The following ZNRF2 variants were observed in gnomAD, a reference collection of about 807,000 sequenced individuals.
The protein encoded by ZNRF2 is zinc and ring finger 2.
ZNRF2 carries 16 observed loss-of-function variants against 20.4 expected under a neutral mutation model. The ratio of observed to expected loss-of-function variants is 0.79; its 90% CI spans 0.53 to 1.19. ZNRF2 has a LOEUF of 1.19. Among genes scored for constraint, ZNRF2 ranks in the 50% most tolerant of loss-of-function variants. ZNRF2 has a pLI of 0.00. For missense variants in ZNRF2, 363 were observed against 332.4 expected (o/e 1.09, Z -0.72); for synonymous variants, 178 against 144.9 (o/e 1.23, Z -1.64).
intron 3 of ZNRF2, among the ~76,000 whole-genome samples, chr7:30,361,252 C>A (rs369749485): frequency 1.4e-4 from 22 of 152,282 alleles, no homozygotes; most frequent in African/African-American, 5.3e-4. Context: ...AAAACAATGT[C>A]TTAAGCCAAA....
At chr7:30,353,325 A>C (rs1216216652) in intron 2 of ZNRF2, among the ~76,000 whole-genome samples, 1 of 152,124 alleles carries the variant, frequency 6.6e-6, no homozygotes, top group Non-Finnish European at 1.5e-5. Flanking sequence ...TTCTGCACTG[A>C]AATCAGTGTG....
At chr7:30,333,822 C>A (rs1486615788) in intron 2 of ZNRF2, among the ~76,000 whole-genome samples, 1 of 152,090 alleles carries the variant, frequency 6.6e-6, no homozygotes, top group Non-Finnish European at 1.5e-5. Context: ...AGTATCTGTT[C>A]ATGCCTTTGC....
At chr7:30,324,542 CTG>C (rs773948801) in intron 2 of ZNRF2, among the ~76,000 whole-genome samples, 5 of 147,720 alleles carry the variant, frequency 3.4e-5, no homozygotes, top group African/African-American at 1.0e-4. Flanking sequence ...GAGTGAGACT[CTG>C]TCTCAAAAAA....
intron 1 of ZNRF2, among the ~76,000 whole-genome samples, chr7:30,310,915 A>G (rs1257297521): frequency 1.3e-5 from 2 of 152,106 alleles, no homozygotes; most frequent in Admixed American, 1.3e-4. Context: ...TGAGCTGTAC[A>G]GGGGATCGAG....
intron 1 of ZNRF2, among the ~76,000 whole-genome samples, chr7:30,292,213 G>T (rs1798923947): frequency 2.0e-5 from 3 of 152,164 alleles, no homozygotes; most frequent in African/African-American, 7.2e-5. Context: ...ATGTTGAAGT[G>T]TTCTTGTTAA....
intron 1 of ZNRF2, among the ~76,000 whole-genome samples, chr7:30,310,835 A>G (rs1015338003): frequency 6.6e-6 from 1 of 151,846 alleles, no homozygotes; most frequent in African/African-American, 2.4e-5. Context: ...TTCCTTGTCT[A>G]AGGAGAAACA....
chr7:30,291,113 G>A (rs1187219686), intron 1 of ZNRF2, among the ~76,000 whole-genome samples: 3 of 152,220 alleles, frequency 2.0e-5, no homozygotes, highest in Admixed American at 1.3e-4. Flanking sequence ...TGTACGGAGA[G>A]AGGGCAGTAC....
chr7:30,304,966 T>C (rs1000044239), intron 1 of ZNRF2, among the ~76,000 whole-genome samples: 3 of 152,206 alleles, frequency 2.0e-5, no homozygotes, highest in Admixed American at 2.0e-4. Flanking sequence ...ATAAATTGCA[T>C]TTAAATTATA....
chr7:30,312,180 T>TA lies in ZNRF2; in HGVS notation c.470-11461dup, dbSNP rs148331267. On this transcript the variant is annotated intron_variant, in intron 1 of 4. Coordinates refer to ENST00000323037, the MANE Select transcript of ZNRF2 (RefSeq NM_147128.4). ...TTTTTCCGTAGAGACAGGGTCTCATTACATTGCTCAGGGTGGTCTGGAATT... is the reference window on the plus strand; with the variant it reads ...TTTTTCCGTAGAGACAGGGTCTCATTAACATTGCTCAGGGTGGTCTGGAATT... Among the ~76,000 whole-genome samples, 1,522 of 152,270 alleles carry TA rather than the reference T, an allele frequency of 1.0e-2. 22 individuals are homozygous for TA. The highest frequency in any genetic ancestry group is 0.034 in the African/African-American group (1,396 of 41,558).
At chr7:30,322,874 T>C (rs1042447289) in intron 1 of ZNRF2, among the ~76,000 whole-genome samples, 3 of 152,120 alleles carry the variant, frequency 2.0e-5, no homozygotes, top group African/African-American at 7.2e-5. Context: ...TTCACCTTGG[T>C]AAGTGAGGGG....
intron 1 of ZNRF2, among the ~76,000 whole-genome samples, chr7:30,291,245 G>T (rs1298022812): frequency 6.6e-6 from 1 of 152,204 alleles, no homozygotes; most frequent in Non-Finnish European, 1.5e-5. Flanking sequence ...AATAGAAAGT[G>T]GAGCCAGTTG....
At chr7:30,352,988 T>TC (rs1329254487) in intron 2 of ZNRF2, among the ~76,000 whole-genome samples, 4 of 152,064 alleles carry the variant, frequency 2.6e-5, no homozygotes, top group Admixed American at 1.3e-4. Flanking sequence ...AAAGTGTCAT[T>TC]ATAGGGGTGA....
chr7:30,361,968 T>C (rs1800133728), intron 3 of ZNRF2, among the ~76,000 whole-genome samples: 1 of 152,156 alleles, frequency 6.6e-6, no homozygotes, highest in African/African-American at 2.4e-5. Flanking sequence ...AAAAATGAAA[T>C]ATTGGCAAGG....
intron 2 of ZNRF2, among the ~76,000 whole-genome samples, chr7:30,334,205 T>C (rs1472357638): frequency 6.6e-6 from 1 of 152,200 alleles, no homozygotes; most frequent in African/African-American, 2.4e-5. Flanking sequence ...TTCATTCTTC[T>C]GCATATGGCT....
chr7:30,305,872 TCATA>T (rs1167398144), intron 1 of ZNRF2, among the ~76,000 whole-genome samples: 5 of 152,176 alleles, frequency 3.3e-5, no homozygotes. Flanking sequence ...CATTCATCTG[TCATA>T]CATGTTTCTA....
At chr7:30,345,473 G>C (rs964028091) in intron 2 of ZNRF2, among the ~76,000 whole-genome samples, 1 of 151,692 alleles carries the variant, frequency 6.6e-6, no homozygotes, top group East Asian at 1.9e-4. Flanking sequence ...ATAGTGTTCT[G>C]TTATACCATT....
chr7:30,315,646 A>G (rs1799357814), intron 1 of ZNRF2, among the ~76,000 whole-genome samples: 2 of 145,734 alleles, frequency 1.4e-5, no homozygotes, highest in Admixed American at 1.5e-4. Flanking sequence ...GGCATTTGTT[A>G]GGTACACAGT....
intron 2 of ZNRF2, among the ~76,000 whole-genome samples, chr7:30,343,989 G>A (rs1339410243): frequency 1.0e-4 from 15 of 145,288 alleles, no homozygotes; most frequent in African/African-American, 2.1e-4. Context: ...GCGCGATCTC[G>A]GCTCACTGCA....
At chr7:30,327,777 C>T (rs1011904294) in intron 2 of ZNRF2, among the ~76,000 whole-genome samples, 4 of 151,988 alleles carry the variant, frequency 2.6e-5, no homozygotes, top group African/African-American at 7.3e-5. Flanking sequence ...TCATGGCACA[C>T]GACAGCCTCA....
Sources: gnomAD v4.1 joint callset for allele counts (sites outside exome capture counted in the v4.1 genomes callset) on GRCh38, gnomAD v4.1.1 for gene constraint, MANE v1.5 for transcripts, NCBI Gene and HGNC (gene_info 2026-07-23, HGNC 2026-07-21) for gene names.